The following ANK2 variants were observed in gnomAD, a reference collection of about 807,000 sequenced individuals.
The protein encoded by ANK2 is ankyrin-2.
A neutral mutation model predicts 360.5 loss-of-function variants in ANK2; 83 were observed. That is an observed-to-expected ratio of 0.23 (90% confidence interval 0.19 to 0.28). ANK2 has a LOEUF of 0.28. Among genes scored for constraint, ANK2 ranks in the 10% least tolerant of loss-of-function variants. The pLI is 1.00. For synonymous variants in ANK2, 1,740 were observed against 1,759.5 expected, an observed-to-expected ratio of 0.99 and a Z score of 0.28; for missense variants, 4,201 against 4,795.7, an observed-to-expected ratio of 0.88 and a Z score of 3.66.
chr4:112,855,109 T>G (rs1421645292), intron 1 of ANK2, among the ~76,000 whole-genome samples: 1 of 152,226 alleles, frequency 6.6e-6, no homozygotes, highest in African/African-American at 2.4e-5. Context: ...GAGTATTTTT[T>G]GTTGTTTTTG....
At chr4:113,375,143 C>T (rs1037528801) in intron 45 of ANK2, among the ~76,000 whole-genome samples, 6 of 152,114 alleles carry the variant, frequency 3.9e-5, no homozygotes, top group African/African-American at 1.4e-4. Flanking sequence ...TTGGTGTCAC[C>T]TTAACAGCTT....
intron 1 of ANK2, among the ~76,000 whole-genome samples, chr4:113,147,738 C>T (rs2096887850): frequency 6.6e-6 from 1 of 152,220 alleles, no homozygotes; most frequent in South Asian, 2.1e-4. Flanking sequence ...GACTCACAAA[C>T]ATATGTCAGG....
chr4:112,913,174 T>C (rs974215390), intron 2 of ANK2, among the ~76,000 whole-genome samples: 1 of 152,182 alleles, frequency 6.6e-6, no homozygotes, highest in African/African-American at 2.4e-5. Context: ...TCCAAATTAT[T>C]TGATAATAGC....
chr4:112,971,707 A>G (rs1037384063), intron 2 of ANK2, among the ~76,000 whole-genome samples: 2 of 152,178 alleles, frequency 1.3e-5, no homozygotes, highest in Admixed American at 6.5e-5. Context: ...AGACAAGTTT[A>G]TCTTGAGGAG....
In ANK2 at chr4:113,306,207, G is replaced by A. The variant is rs1408253606; in HGVS notation, c.2548+3368G>A. Among the ~76,000 whole-genome samples, 3 of 152,226 alleles carry A rather than the reference G, an allele frequency of 2.0e-5. No individual in the cohort carries two copies. The East Asian group carries it at 5.8e-4, about 29-fold the overall frequency. Reference sequence around the variant, plus strand: ...TATAATGTAAGGCACTATGTTGTCAGTTTTTCATATCCACTTGGGGAGATC... The same window carrying A: ...TATAATGTAAGGCACTATGTTGTCAATTTTTCATATCCACTTGGGGAGATC... On this transcript the variant is annotated intron_variant, in intron 23 of 45. Coordinates refer to ENST00000357077, the MANE Select transcript of ANK2 (RefSeq NM_001148.6).
intron 2 of ANK2, among the ~76,000 whole-genome samples, chr4:112,910,993 C>T (rs1459443713): frequency 1.5e-5 from 2 of 133,952 alleles, no homozygotes; most frequent in South Asian, 2.4e-4. Flanking sequence ...GAGTCTCGCT[C>T]TGTCGACAGG....
chr4:112,826,437 G>A, intron 1 of ANK2: 1 of 1,053,874 alleles, frequency 9.5e-7, no homozygotes, highest in East Asian at 2.4e-5. Context: ...AACTTTTGAA[G>A]AATCTTCAGG....
rs769371142 is a variant in ANK2 at position 113,317,692 on chromosome 4, C to T, written c.2694-15C>T. 6.2e-6 allele frequency: 10 copies of T among 1,606,920 alleles called. No homozygotes were observed. Among genetic ancestry groups the T allele is most frequent in the Non-Finnish European group, 8.5e-6 (10 of 1,173,890 alleles). On this transcript the variant is annotated splice_polypyrimidine_tract_variant and intron_variant, in intron 24 of 45. Transcript: ENST00000357077. ...TGCTGTTGGTATATGCCATGGCCTC[C>T]TGCCAACCTACCAGCCTTCGATCCT...
intron 26 of ANK2, among the ~76,000 whole-genome samples, chr4:113,319,280 A>G (rs1446445636): frequency 1.3e-5 from 2 of 152,076 alleles, no homozygotes; most frequent in Non-Finnish European, 2.9e-5. Context: ...AGTTGTTCTT[A>G]AGGTGTTCAG....
chr4:112,970,008 G>A (rs2038886076), intron 2 of ANK2, among the ~76,000 whole-genome samples: 1 of 151,700 alleles, frequency 6.6e-6, no homozygotes, highest in South Asian at 2.1e-4. Flanking sequence ...TTTTGAGACG[G>A]AGTCTCACTC....
rs1213001504 is a variant in ANK2, at chr4:113,357,607, T to C, written c.8989T>C (p.Ser2997Pro). The change falls in exon 38 of 46, where the codon TCC (serine) becomes CCC (proline). Residue 2997 changes from serine (S) to proline (P), a missense_variant. By Grantham distance (74) the Ser-to-Pro change is moderately conservative. Around this residue, in one of 4 missense-constraint regions of ANK2, gnomAD observed 2,642 missense variants for 2,714.5 expected, o/e 0.97. Transcript: ENST00000357077. The stretch of plus-strand genomic sequence containing the variant: ...TGAGGGCCAGGACATAAAAATGGAA[T>C]CCCAACAGGAAAGTACCTTGTGGGA... ...NFEGQDIKME[S>P]QQESTLWEMQ... 14 of 1,614,010 alleles carry C rather than the reference T, an allele frequency of 8.7e-6. No individual in the cohort carries two copies. Among genetic ancestry groups the C allele is most frequent in the African/African-American group, 2.7e-5 (2 of 74,916 alleles).
chr4:112,963,321 CA>C (rs929133842), intron 2 of ANK2, among the ~76,000 whole-genome samples: 38 of 152,172 alleles, frequency 2.5e-4, no homozygotes, highest in Non-Finnish European at 3.1e-4. Context: ...ATGTACAAGG[CA>C]AAAACATTCT....
intron 1 of ANK2, among the ~76,000 whole-genome samples, chr4:113,172,686 G>T (rs534862704): frequency 2.6e-5 from 4 of 151,978 alleles, no homozygotes; most frequent in Non-Finnish European, 5.9e-5. Context: ...ACACAGATTT[G>T]TTTTGGAAAA....
the ANK2 span, among the ~76,000 whole-genome samples, chr4:112,805,133 C>T: frequency 3.3e-5 from 5 of 152,172 alleles, no homozygotes; most frequent in South Asian, 2.1e-4. Context: ...TCCCTGAATG[C>T]GAAGTAGCCA....
chr4:112,739,114 A>C, the ANK2 span: 1 of 468,892 alleles, frequency 2.1e-6, no homozygotes, highest in Non-Finnish European at 4.0e-6. Context: ...TAGATAGCTC[A>C]TATGCACGTT....
intron 1 of ANK2, among the ~76,000 whole-genome samples, chr4:112,890,094 A>G (rs1380609639): frequency 2.0e-5 from 3 of 152,204 alleles, no homozygotes; most frequent in Non-Finnish European, 4.4e-5. Context: ...ATGTGAAACT[A>G]ATAATGTTGG....
intron 2 of ANK2, among the ~76,000 whole-genome samples, chr4:112,910,675 A>G (rs952017080): frequency 6.6e-6 from 1 of 152,202 alleles, no homozygotes; most frequent in Non-Finnish European, 1.5e-5. Context: ...CAGATCTGCA[A>G]ATATGCATAT....
intron 2 of ANK2, among the ~76,000 whole-genome samples, chr4:112,963,619 G>T (rs2035883200): frequency 6.6e-6 from 1 of 152,054 alleles, no homozygotes; most frequent in Admixed American, 6.5e-5. Context: ...TTCTCTTCAT[G>T]ATATTTTTCA....
intron 1 of ANK2, among the ~76,000 whole-genome samples, chr4:113,132,916 G>A (rs979644078): frequency 2.0e-5 from 3 of 152,146 alleles, no homozygotes; most frequent in East Asian, 1.9e-4. Flanking sequence ...GAAAAATGTT[G>A]TGATGATTCT....
Sources: gnomAD v4.1 joint callset for allele counts (sites outside exome capture counted in the v4.1 genomes callset) on GRCh38, gnomAD v4.1.1 for gene constraint, gnomAD v4.1.1 regional missense constraint, MANE v1.5 for transcripts, NCBI Gene and HGNC (gene_info 2026-07-23, HGNC 2026-07-21) for gene names.